SUPV3L1: variants seen among roughly 807,000 people sequenced by gnomAD.
SUPV3L1 encodes Suv3 like RNA helicase, also known as ATP-dependent RNA helicase SUPV3L1, mitochondrial.
SUPV3L1 carries 35 observed loss-of-function variants against 70.0 expected under a neutral mutation model. The ratio of observed to expected loss-of-function variants is 0.50; its 90% CI spans 0.38 to 0.66. SUPV3L1 has a LOEUF of 0.66. SUPV3L1 is among the 30% of genes least tolerant of loss of function. The pLI is 0.00. For missense variants in SUPV3L1, 777 were observed against 961.5 expected (o/e 0.81, Z 2.54); for synonymous variants, 364 against 341.9 (o/e 1.06, Z -0.71).
Position 69,195,197 on chromosome 10 carries a change from C to T in SUPV3L1, c.863C>T (p.Ala288Val). The T allele has an allele frequency of 1.2e-6, 2 of 1,611,876 alleles. No individual in the cohort carries two copies. The highest frequency in any genetic ancestry group is 8.5e-7 in the Non-Finnish European group (1 of 1,179,026). ...MCSVTTPYEVAVIDEIQMIRD... is the reference protein window; with the variant it reads ...MCSVTTPYEVVVIDEIQMIRD... ...ACTTTTTTATTTTAAGATGAAGTGG[C>T]TGTAATTGATGAAATTCAAATGATT... Residue 288 changes from alanine to valine, a missense_variant, in exon 7 of 15, where the codon GCT (alanine) becomes GTT (valine). Transcript: ENST00000359655.
At chr10:69,186,649 G>A in intron 3 of SUPV3L1, 99 bp downstream of exon 3, 1 of 987,910 alleles carries the variant, frequency 1.0e-6, no homozygotes, top group South Asian at 1.5e-5. Flanking sequence ...TTGGTTTAGA[G>A]TGGGTCTGGT....
intron 5 of SUPV3L1, among the ~76,000 whole-genome samples, chr10:69,189,881 C>T (rs892287072): frequency 2.6e-5 from 4 of 152,160 alleles, no homozygotes; most frequent in Admixed American, 2.0e-4. Context: ...CTCCTGACCT[C>T]GTGATCTGCC....
In SUPV3L1 at chr10:69,189,405, A is replaced by G; in HGVS notation, c.711A>G (p.Ala237=). The G allele has an allele frequency of 1.2e-6, 2 of 1,612,152 alleles. No individual in the cohort carries two copies. The highest frequency in any genetic ancestry group is 1.7e-6 in the Non-Finnish European group (2 of 1,179,186). ...GVYCGPLKLL[A]HEIFEKSNAA... The stretch of plus-strand genomic sequence containing the variant: ...ATTGTGGCCCTCTAAAATTACTGGC[A>G]CATGAGATCTTCGAAAAGAGTAATG... The change falls in exon 5 of 15, where the codon GCA becomes GCG. Residue 237 remains alanine (A), a synonymous_variant. Coordinates refer to ENST00000359655, the MANE Select transcript of SUPV3L1 (RefSeq NM_003171.5).
chr10:69,188,066 CT>C (rs1353683809), intron 4 of SUPV3L1, among the ~76,000 whole-genome samples: 1 of 152,110 alleles, frequency 6.6e-6, no homozygotes, highest in Non-Finnish European at 1.5e-5. Flanking sequence ...TTAATGAGTT[CT>C]TTCCACCATG....
Position 69,195,396 on chromosome 10 carries a change from A to G in SUPV3L1, c.931+131A>G, listed in dbSNP as rs997923329. 3.4e-5 allele frequency: 16 copies of G among 473,310 alleles called. No homozygotes were observed. The Admixed American group carries it at 5.0e-4, about 15-fold the overall frequency. The allele number at this position is 473,310 out of a possible 1,614,324, so 29.3% of individuals were successfully genotyped here. ...CTTTTTGACACAAAAAAGTAAACTA[A>G]GTATGAGTTTTTATTTTCTAAATAT... On this transcript the variant is annotated intron_variant, in intron 7 of 14. Coordinates refer to ENST00000359655, the MANE Select transcript of SUPV3L1 (RefSeq NM_003171.5).
At chr10:69,195,128 A>AT (rs1842508014) in intron 6 of SUPV3L1, 60 bp from the exon 7 acceptor site, 1 of 1,375,360 alleles carries the variant, frequency 7.3e-7, no homozygotes, top group Non-Finnish European at 1.0e-6. Context: ...TGGTGTTGGA[A>AT]TTTGTTTATA....
chr10:69,208,426 A>G (rs1032275962), intron 14 of SUPV3L1, among the ~76,000 whole-genome samples, 174 bp from the exon 15 acceptor site: 1 of 152,244 alleles, frequency 6.6e-6, no homozygotes, highest in African/African-American at 2.4e-5. Flanking sequence ...CCTCAGGATG[A>G]CATATTCCTC....
chr10:69,182,456 G>T, intron 1 of SUPV3L1: 1 of 903,058 alleles, frequency 1.1e-6, no homozygotes, highest in Non-Finnish European at 1.3e-6. Flanking sequence ...AAGGCATAAG[G>T]TAATTTGGAT....
intron 5 of SUPV3L1, among the ~76,000 whole-genome samples, chr10:69,190,371 G>A (rs1291813103): frequency 1.3e-5 from 2 of 151,628 alleles, no homozygotes; most frequent in Non-Finnish European, 1.5e-5. Flanking sequence ...TTGGTTCATT[G>A]TTTTATTATG....
Position 69,207,709 on chromosome 10 carries a change from T to C in SUPV3L1, c.1777-84T>C, listed in dbSNP as rs554980130. On this transcript the variant is annotated intron_variant, in intron 13 of 14. Coordinates refer to ENST00000359655, the MANE Select transcript of SUPV3L1 (RefSeq NM_003171.5). ...GAAATACAACCACAATGTTTTGTTT[T>C]GCTTTCTTTTTTTTCTCTTTCTAAT... is the stretch of plus-strand genomic sequence containing the variant. 144 of 1,462,854 alleles carry C rather than the reference T, an allele frequency of 9.8e-5. No homozygotes were observed. In the East Asian group the frequency reaches 3.5e-3, roughly 35 times the overall value. The allele number at this position is 1,462,854 out of a possible 1,614,324, so 90.6% of individuals were successfully genotyped here. A position where few individuals can be genotyped will look rare whatever the true frequency, so the allele number is the denominator to read the frequency against.
intron 13 of SUPV3L1, among the ~76,000 whole-genome samples, chr10:69,206,261 C>T (rs1469435071): frequency 6.6e-6 from 1 of 152,094 alleles, no homozygotes; most frequent in Non-Finnish European, 1.5e-5. Flanking sequence ...GCAGAGTGGA[C>T]CAGACTGAAT....
At chr10:69,205,538 T>C (rs1842803298) in intron 13 of SUPV3L1, among the ~76,000 whole-genome samples, 1 of 151,766 alleles carries the variant, frequency 6.6e-6, no homozygotes, top group Non-Finnish European at 1.5e-5. Flanking sequence ...TGATGCGTGG[T>C]GTGTTTTCTT....
chr10:69,191,219 A>G (rs1333700065), intron 5 of SUPV3L1, among the ~76,000 whole-genome samples: 3 of 147,698 alleles, frequency 2.0e-5, no homozygotes, highest in Non-Finnish European at 3.0e-5. Flanking sequence ...TAAAAGGGAA[A>G]AAAGCATTGG....
chr10:69,190,171 C>T (rs937912158), intron 5 of SUPV3L1, among the ~76,000 whole-genome samples: 1 of 152,178 alleles, frequency 6.6e-6, no homozygotes, highest in Non-Finnish European at 1.5e-5. Flanking sequence ...TGTTGCTACT[C>T]TCAAAACTCT....
chr10:69,200,606 A>G, intron 11 of SUPV3L1, 107 bp downstream of exon 11: 1 of 968,332 alleles, frequency 1.0e-6, no homozygotes, highest in South Asian at 1.7e-5. Flanking sequence ...TACAGACATA[A>G]GTGAAAGAAA....
chr10:69,203,565 G>A (rs1842739912), intron 13 of SUPV3L1, among the ~76,000 whole-genome samples: 1 of 150,696 alleles, frequency 6.6e-6, no homozygotes, highest in African/African-American at 2.4e-5. Flanking sequence ...TCGGGAGGCT[G>A]AGGCAGGAGA....
At position 69,189,436 on chromosome 10, in the gene SUPV3L1, G is replaced by A. The variant is rs1193538159; in HGVS notation, c.741+1G>A. The A allele has an allele frequency of 1.9e-6, 3 of 1,599,178 alleles. No homozygotes were observed. The highest frequency in any genetic ancestry group is 2.2e-5 in the East Asian group (1 of 44,548). Reference sequence around the variant, plus strand: ...GATCTTCGAAAAGAGTAATGCTGCTGTCAGTATATTACCAAATATTTGCTC... The same window carrying A: ...GATCTTCGAAAAGAGTAATGCTGCTATCAGTATATTACCAAATATTTGCTC... On this transcript the variant is annotated splice_donor_variant, in intron 5 of 14. Transcript: ENST00000359655. LOFTEE classifies it high-confidence loss of function.
At chr10:69,189,473 A>AATTTTCTTT (rs1172874329) in intron 5 of SUPV3L1, 38 bp downstream of exon 5, 5 of 1,538,270 alleles carry the variant, frequency 3.3e-6, no homozygotes, top group Non-Finnish European at 3.5e-6. Flanking sequence ...TTTTTTTCTT[A>AATTTTCTTT]ATTTTCTTTT....
At position 69,207,862 on chromosome 10, in the gene SUPV3L1, T is replaced by C; in HGVS notation, c.1846T>C (p.Leu616=). ...AWLRRYIKWP[L]LPPKNIKDLM... is the part of the protein sequence containing the mutation. ...GTTACGCCGATACATCAAATGGCCT[T>C]TACTTCCACCTAAGAATATTAAAGA... is the stretch of plus-strand genomic sequence containing the variant. The change falls in exon 14 of 15, where the codon TTA becomes CTA. Residue 616 remains leucine, a synonymous_variant. Coordinates refer to ENST00000359655, the MANE Select transcript of SUPV3L1 (RefSeq NM_003171.5). 1.2e-6 allele frequency: 2 copies of C among 1,614,172 alleles called. No homozygotes were observed. Among genetic ancestry groups the C allele is most frequent in the Non-Finnish European group, 1.7e-6 (2 of 1,180,032 alleles).
Sources: gnomAD v4.1 joint callset for allele counts (sites outside exome capture counted in the v4.1 genomes callset) on GRCh38, gnomAD v4.1.1 for gene constraint, MANE v1.5 for transcripts, NCBI Gene and HGNC (gene_info 2026-07-23, HGNC 2026-07-21) for gene names.